Variants in FRY observed in about 807,000 individuals in gnomAD.
The protein encoded by FRY is FRY microtubule binding protein, also known as protein furry homolog.
Under a neutral mutation model 348.4 loss-of-function variants are expected in FRY, and 128 were observed. That is an observed-to-expected ratio of 0.37 (90% CI 0.32 to 0.43). FRY has a LOEUF of 0.43. Among genes scored for constraint, FRY ranks in the 20% least tolerant of loss-of-function variants. FRY has a pLI of 1.00. For synonymous variants in FRY, 1,370 were observed against 1,374.7 expected, an observed-to-expected ratio of 1.00 and a Z score of 0.08; for missense variants, 2,736 against 3,695.2, an observed-to-expected ratio of 0.74 and a Z score of 6.73.
intron 3 of FRY, among the ~76,000 whole-genome samples, chr13:32,112,180 A>G (rs1878010309): frequency 6.6e-6 from 1 of 152,120 alleles, no homozygotes; most frequent in Non-Finnish European, 1.5e-5. Flanking sequence ...TAAAATCCTG[A>G]CAGCAAATTC....
At chr13:32,162,844 G>T (rs1384096864) in intron 17 of FRY, among the ~76,000 whole-genome samples, 1 of 152,112 alleles carries the variant, frequency 6.6e-6, no homozygotes, top group African/African-American at 2.4e-5. Flanking sequence ...ACCACAATAT[G>T]AGTGAAGAGT....
intron 7 of FRY, among the ~76,000 whole-genome samples, chr13:32,128,237 C>T (rs1879147083): frequency 6.6e-6 from 1 of 152,156 alleles, no homozygotes; most frequent in Non-Finnish European, 1.5e-5. Flanking sequence ...GAAATCCTCT[C>T]TAATTAATTA....
chr13:32,100,952 C>G (rs1383704754), intron 2 of FRY, among the ~76,000 whole-genome samples: 1 of 152,074 alleles, frequency 6.6e-6, no homozygotes, highest in African/African-American at 2.4e-5. Flanking sequence ...CTCTTAACAC[C>G]ATCACCTTGA....
intron 7 of FRY, among the ~76,000 whole-genome samples, chr13:32,129,458 G>A (rs1224763703): frequency 6.6e-6 from 1 of 151,946 alleles, no homozygotes; most frequent in Non-Finnish European, 1.5e-5. Context: ...ATACCATTTT[G>A]TAGTTAATCT....
chr13:32,268,530 A>C (rs1388535839), intron 55 of FRY, among the ~76,000 whole-genome samples: 139 of 136,192 alleles, frequency 1.0e-3, no homozygotes, highest in Non-Finnish European at 2.0e-3. Context: ...ATATATATAT[A>C]TATATATATC....
chr13:32,214,292 TTTAATTCCTA>T (rs1884854344), intron 35 of FRY, among the ~76,000 whole-genome samples: 1 of 152,200 alleles, frequency 6.6e-6, no homozygotes, highest in African/African-American at 2.4e-5. Flanking sequence ...ACCACCAGAT[TTTAATTCCTA>T]GAGAACACAG....
At chr13:32,108,609 A>C (rs949055779) in intron 3 of FRY, among the ~76,000 whole-genome samples, 1 of 152,210 alleles carries the variant, frequency 6.6e-6, no homozygotes, top group Admixed American at 6.5e-5. Context: ...AAACAGACAC[A>C]TTTATAAATC....
At chr13:32,269,951 A>G (rs1268072902) in intron 55 of FRY, among the ~76,000 whole-genome samples, 7 of 152,182 alleles carry the variant, frequency 4.6e-5, no homozygotes, top group African/African-American at 7.2e-5. Context: ...AACTTCTTCA[A>G]TTTACTCTAA....
chr13:32,056,547 T>G (rs1873636041), intron 1 of FRY, among the ~76,000 whole-genome samples: 1 of 152,210 alleles, frequency 6.6e-6, no homozygotes, highest in Admixed American at 6.5e-5. Flanking sequence ...CTGCCCTTAT[T>G]ATGGTTTCCA....
chr13:32,104,117 C>T (rs901483541), intron 3 of FRY, among the ~76,000 whole-genome samples: 4 of 152,110 alleles, frequency 2.6e-5, no homozygotes, highest in South Asian at 2.1e-4. Flanking sequence ...CTGAGAAAAT[C>T]GTTCTAAATT....
chr13:32,270,126 C>A (rs182537572), intron 55 of FRY, among the ~76,000 whole-genome samples: 96 of 151,926 alleles, frequency 6.3e-4, no homozygotes, highest in African/African-American at 1.4e-3. Context: ...TTAAGGCAAA[C>A]TACCAGAAAG....
intron 17 of FRY, among the ~76,000 whole-genome samples, chr13:32,162,700 C>A (rs897285212): frequency 1.3e-5 from 2 of 152,174 alleles, no homozygotes; most frequent in African/African-American, 2.4e-5. Flanking sequence ...TGCTCTCTAA[C>A]CACAGCCTTC....
intron 18 of FRY, 68 bp downstream of exon 18, chr13:32,171,338 G>A: frequency 3.9e-6 from 5 of 1,282,184 alleles, no homozygotes; most frequent in Non-Finnish European, 5.1e-6. Flanking sequence ...TTTTGAGACA[G>A]TCTTACTCTG....
At chr13:32,210,425 A>T (rs1455860964) in intron 33 of FRY, among the ~76,000 whole-genome samples, 1 of 152,216 alleles carries the variant, frequency 6.6e-6, no homozygotes, top group African/African-American at 2.4e-5. Context: ...AGTTATTTTT[A>T]AAATTTAAAA....
intron 28 of FRY, among the ~76,000 whole-genome samples, chr13:32,192,902 T>A (rs899859194): frequency 6.6e-6 from 1 of 151,734 alleles, no homozygotes; most frequent in Admixed American, 6.6e-5. Flanking sequence ...CACCACCATG[T>A]CCAGCTAATT....
chr13:32,255,929 C>T (rs942854561), intron 51 of FRY, among the ~76,000 whole-genome samples: 23 of 152,174 alleles, frequency 1.5e-4, no homozygotes, highest in African/African-American at 4.1e-4. Flanking sequence ...AGGGAAAAAA[C>T]GGATGAAGCA....
At chr13:32,104,537 A>G (rs1025760025) in intron 3 of FRY, among the ~76,000 whole-genome samples, 4 of 152,234 alleles carry the variant, frequency 2.6e-5, no homozygotes, top group African/African-American at 9.6e-5. Flanking sequence ...AGAACTTTCA[A>G]ATAGGTCACA....
At chr13:32,228,158 T>C (rs1885698357) in intron 39 of FRY, among the ~76,000 whole-genome samples, 1 of 152,206 alleles carries the variant, frequency 6.6e-6, no homozygotes, top group Non-Finnish European at 1.5e-5. Flanking sequence ...CATGCATGCA[T>C]ACAAACACGC....
Position 32,031,846 on chromosome 13 carries a change from A to G in FRY, c.51A>G (p.Leu17=). The G allele has an allele frequency of 1.9e-6, 3 of 1,588,892 alleles. No homozygotes were observed. The highest frequency in any genetic ancestry group is 2.6e-6 in the Non-Finnish European group (3 of 1,158,294). ...TCTTTGAGATCAGTATCAAATATTT[A>G]CTGAAATCCTGGAGTAATAGTGAGT... The part of the protein sequence containing the change: ...SGFFEISIKY[L]LKSWSNTSPV... The change falls in exon 1 of 61, where the codon TTA becomes TTG. Residue 17 remains leucine (L), a synonymous_variant. Transcript: ENST00000542859.
Sources: gnomAD v4.1 joint callset for allele counts (sites outside exome capture counted in the v4.1 genomes callset) on GRCh38, gnomAD v4.1.1 for gene constraint, MANE v1.5 for transcripts, NCBI Gene and HGNC (gene_info 2026-07-23, HGNC 2026-07-21) for gene names.